The following TCF4 variants were observed in gnomAD, a reference collection of about 807,000 sequenced individuals.
The protein encoded by TCF4 is SL3-3 enhancer factor 2.
A neutral mutation model predicts 82.1 loss-of-function variants in TCF4; 3 were observed. The observed-to-expected ratio is 0.04, with a 90% CI of 0.02 to 0.09. The LOEUF is 0.09. Ranked by LOEUF, TCF4 falls within the 10% of genes least tolerant of loss-of-function variation. The pLI is 1.00. For synonymous variants in TCF4, 276 were observed against 309.6 expected (o/e 0.89, Z 1.14); for missense variants, 518 against 852.7 (o/e 0.61, Z 4.89).
intron 2 of TCF4, among the ~76,000 whole-genome samples, chr18:55,626,151 G>A (rs2097726358): frequency 1.3e-5 from 2 of 152,216 alleles, no homozygotes; most frequent in South Asian, 2.1e-4. Flanking sequence ...TTTGGAGGAA[G>A]CCCAGTTGGG....
At chr18:55,563,702 G>A (rs1300167411) in intron 3 of TCF4, among the ~76,000 whole-genome samples, 3 of 152,214 alleles carry the variant, frequency 2.0e-5, no homozygotes, top group African/African-American at 7.2e-5. Context: ...CTAGATTTCA[G>A]GGCCTAACAT....
At chr18:55,563,817 G>C (rs1400584239) in intron 3 of TCF4, among the ~76,000 whole-genome samples, 1 of 152,204 alleles carries the variant, frequency 6.6e-6, no homozygotes, top group Non-Finnish European at 1.5e-5. Context: ...ACTATGCAAA[G>C]TGTATTTGCA....
intron 16 of TCF4, chr18:55,234,311 T>C (rs999494679): frequency 6.5e-6 from 4 of 618,620 alleles, no homozygotes; most frequent in Admixed American, 2.9e-5. Context: ...TGTGGCCTCA[T>C]TCCCTGCTGA....
At chr18:55,277,218 T>C (rs1369524230) in intron 9 of TCF4, among the ~76,000 whole-genome samples, 1 of 152,100 alleles carries the variant, frequency 6.6e-6, no homozygotes, top group Non-Finnish European at 1.5e-5. Context: ...AAACACATGA[T>C]TTTTTTTAAA....
intron 5 of TCF4, among the ~76,000 whole-genome samples, chr18:55,443,745 A>G (rs1174835998): frequency 6.6e-6 from 1 of 152,192 alleles, no homozygotes; most frequent in African/African-American, 2.4e-5. Context: ...CCAGAAAGAG[A>G]TACTGAAAGT....
chr18:55,630,973 C>A (rs946840892), intron 2 of TCF4, among the ~76,000 whole-genome samples: 10 of 151,414 alleles, frequency 6.6e-5, no homozygotes, highest in South Asian at 2.1e-4. Flanking sequence ...GAGCACAATG[C>A]AAGATGGCAC....
intron 15 of TCF4, among the ~76,000 whole-genome samples, chr18:55,237,467 CTT>C (rs538071929): frequency 1.2e-3 from 150 of 122,616 alleles, no homozygotes; most frequent in African/African-American, 2.6e-3. Flanking sequence ...GTTGTTCTGA[CTT>C]TTTTTTTTTT....
At chr18:55,585,637 A>T in intron 2 of TCF4, 1 of 588,472 alleles carries the variant, frequency 1.7e-6, no homozygotes, top group Non-Finnish European at 2.5e-6. Flanking sequence ...TGTTATCAAG[A>T]TTCAGGTTGG....
intron 3 of TCF4, among the ~76,000 whole-genome samples, chr18:55,538,893 G>A (rs1016613867): frequency 3.3e-5 from 5 of 151,968 alleles, no homozygotes; most frequent in Non-Finnish European, 7.4e-5. Context: ...AGTCCATTTC[G>A]TATTTAATAT....
At chr18:55,514,863 ACAT>A (rs1307481966) in intron 3 of TCF4, among the ~76,000 whole-genome samples, 1 of 152,214 alleles carries the variant, frequency 6.6e-6, no homozygotes, top group Non-Finnish European at 1.5e-5. Context: ...TATAATGCAT[ACAT>A]CATCTGATTA....
rs1555707344 is a variant in TCF4, at chr18:55,228,229, A to G, written c.2012T>C (p.Met671Thr). 1 of 1,614,144 alleles carries G rather than the reference A, an allele frequency of 6.2e-7. No individual in the cohort carries two copies. The highest frequency in any genetic ancestry group is 8.5e-7 in the Non-Finnish European group (1 of 1,180,002). Residue 671 changes from methionine to threonine, a missense_variant, in exon 19 of 20, where the codon ATG becomes ACG. Met to Thr is a moderately conservative substitution (Grantham distance 81). Coordinates refer to ENST00000354452, the MANE Select transcript of TCF4 (RefSeq NM_001083962.2). ...MGDASNHMGQM is the reference protein window; with the variant it reads ...MGDASNHMGQT Reference sequence around the variant, plus strand: ...GCTGAAAACAAACTTGCCCTTTTACATCTGTCCCATGTGATTCGATGCGTC... The same window carrying G: ...GCTGAAAACAAACTTGCCCTTTTACGTCTGTCCCATGTGATTCGATGCGTC...
intron 6 of TCF4, among the ~76,000 whole-genome samples, chr18:55,397,052 A>G (rs1199619682): frequency 6.6e-6 from 1 of 152,142 alleles, no homozygotes; most frequent in Non-Finnish European, 1.5e-5. Flanking sequence ...GGTTGTTGGG[A>G]AAAAGGGGTA....
chr18:55,322,173 T>A, intron 8 of TCF4: 1 of 1,056,974 alleles, frequency 9.5e-7, no homozygotes, highest in Non-Finnish European at 1.1e-6. Context: ...TCCACTCAAC[T>A]GCCTTAGGGT....
chr18:55,274,791 T>G (rs1417174758), intron 10 of TCF4, among the ~76,000 whole-genome samples: 1 of 152,174 alleles, frequency 6.6e-6, no homozygotes, highest in Non-Finnish European at 1.5e-5. Flanking sequence ...CAAATCTCAC[T>G]CAAGATCTAG....
intron 3 of TCF4, among the ~76,000 whole-genome samples, chr18:55,542,890 C>G (rs2146984825): frequency 6.6e-6 from 1 of 152,130 alleles, no homozygotes; most frequent in South Asian, 2.1e-4. Context: ...ACATCTAAAA[C>G]TCTTAACTTA....
At chr18:55,588,603 T>C (rs2147910303), upstream of TCF4, 1 of 1,508,052 alleles carries the variant, frequency 6.6e-7, no homozygotes, top group African/African-American at 1.4e-5. Context: ...CTTACTCTCG[T>C]TCCCTCTCAC....
At chr18:55,321,436 C>T in intron 8 of TCF4, 1 of 641,372 alleles carries the variant, frequency 1.6e-6, no homozygotes, top group Non-Finnish European at 2.7e-6. Context: ...CTCTCTAAAG[C>T]TCTGAAAGCA....
chr18:55,622,833 C>G (rs2097722768), intron 2 of TCF4, among the ~76,000 whole-genome samples: 1 of 151,446 alleles, frequency 6.6e-6, no homozygotes, highest in Non-Finnish European at 1.5e-5. Flanking sequence ...ATTATACATG[C>G]ATTTGCACGA....
chr18:55,570,691 G>A lies in TCF4; in HGVS notation c.145+14589C>T, dbSNP rs139155275. Among the ~76,000 whole-genome samples, 187 of 151,982 alleles carry A rather than the reference G, an allele frequency of 1.2e-3. 4 individuals carry two copies. Among genetic ancestry groups the A allele is most frequent in the Non-Finnish European group, 2.8e-4 (19 of 67,962 alleles). The stretch of plus-strand genomic sequence containing the variant: ...GAGCTCAGAAGTTCGAGACCAGCCC[G>A]GGCAACATGGTGAAACCCCTTCTCT... On this transcript the variant is annotated intron_variant, in intron 3 of 19. Coordinates refer to ENST00000354452, the MANE Select transcript of TCF4 (RefSeq NM_001083962.2).
Sources: gnomAD v4.1 joint callset for allele counts (sites outside exome capture counted in the v4.1 genomes callset) on GRCh38, gnomAD v4.1.1 for gene constraint, MANE v1.5 for transcripts, NCBI Gene and HGNC (gene_info 2026-07-23, HGNC 2026-07-21) for gene names.